TSPAN9: variants seen among roughly 807,000 people sequenced by gnomAD.
TSPAN9 encodes the protein tetraspanin 9, also known as tetraspanin-9.
In TSPAN9, 16 loss-of-function variants were observed where a neutral mutation model predicts 31.0. That is an observed-to-expected ratio of 0.52 (90% CI 0.35 to 0.78). TSPAN9 has a LOEUF of 0.78. TSPAN9 is among the 30% of genes least tolerant of loss of function. TSPAN9 has a pLI of 0.01. For missense variants in TSPAN9, 272 were observed against 312.5 expected (o/e 0.87, Z 0.98); for synonymous variants, 145 against 121.6 (o/e 1.19, Z -1.27).
At chr12:3,112,631 A>G (rs1176740420) in intron 2 of TSPAN9, among the ~76,000 whole-genome samples, 1 of 124,758 alleles carries the variant, frequency 8.0e-6, no homozygotes, top group Non-Finnish European at 1.7e-5. Flanking sequence ...TGTTTCATTG[A>G]TCTTTTACAT....
intron 2 of TSPAN9, among the ~76,000 whole-genome samples, chr12:3,171,337 A>T (rs1325349504): frequency 6.6e-6 from 1 of 152,182 alleles, no homozygotes; most frequent in East Asian, 1.9e-4. Context: ...CCCAGTAACT[A>T]GATCACATGA....
At chr12:3,100,685 C>A (rs1291207425) in intron 2 of TSPAN9, among the ~76,000 whole-genome samples, 1 of 152,216 alleles carries the variant, frequency 6.6e-6, no homozygotes, top group Admixed American at 6.5e-5. Flanking sequence ...GGCATCACCT[C>A]ATTTCCTGGT....
At position 3,119,948 on chromosome 12, in the gene TSPAN9, TG is replaced by T. The variant is rs951574446; in HGVS notation, c.-18+36230del. 1.2e-3 allele frequency among the ~76,000 whole-genome samples: 181 copies of T among 152,244 alleles called. 1 individual carries two copies. The highest frequency in any genetic ancestry group is 4.2e-3 in the African/African-American group (174 of 41,544). On this transcript the variant is annotated intron_variant, in intron 2 of 8. Transcript: ENST00000011898. ...TCCACATGGGCTGGCTGTGTGACCA[TG>T]TGCACGTCACTCTGCTTTCTGGGCC...
At chr12:3,247,476 G>C (rs997424358) in intron 3 of TSPAN9, among the ~76,000 whole-genome samples, 2 of 152,140 alleles carry the variant, frequency 1.3e-5, no homozygotes, top group African/African-American at 4.8e-5. Context: ...GAGAGCGTCA[G>C]TTCAGAAAGA....
At chr12:3,109,505 T>G (rs2098317172) in intron 2 of TSPAN9, among the ~76,000 whole-genome samples, 1 of 151,786 alleles carries the variant, frequency 6.6e-6, no homozygotes, top group Non-Finnish European at 1.5e-5. Flanking sequence ...GTTAGGAACC[T>G]AGTAAGTTAG....
chr12:3,235,355 G>A (rs1457947218), intron 3 of TSPAN9, among the ~76,000 whole-genome samples: 1 of 147,136 alleles, frequency 6.8e-6, no homozygotes, highest in Non-Finnish European at 1.5e-5. Flanking sequence ...GTGGCAAGAA[G>A]CCTGGCCGGA....
intron 3 of TSPAN9, among the ~76,000 whole-genome samples, chr12:3,239,771 C>T (rs931251271): frequency 6.6e-6 from 1 of 152,048 alleles, no homozygotes; most frequent in Non-Finnish European, 1.5e-5. Context: ...ATTGGAGCTT[C>T]CGACAGGGTC....
intron 2 of TSPAN9, among the ~76,000 whole-genome samples, chr12:3,157,054 G>A (rs555036463): frequency 2.0e-5 from 3 of 152,190 alleles, no homozygotes; most frequent in Middle Eastern, 6.9e-3. Context: ...AGGCCAGAGA[G>A]GGCAGAGCAG....
At chr12:3,200,998 GCCGTCCACCT>G in intron 2 of TSPAN9, 169 bp from the exon 3 acceptor site, 1 of 595,942 alleles carries the variant, frequency 1.7e-6, no homozygotes. Flanking sequence ...ACTTTGCCAA[GCCGTCCACCT>G]CCGGCCGCCC....
At chr12:3,136,073 G>A (rs1233527500) in intron 2 of TSPAN9, among the ~76,000 whole-genome samples, 1 of 152,202 alleles carries the variant, frequency 6.6e-6, no homozygotes. Flanking sequence ...GGGCACTGTG[G>A]TGGTGGGACA....
At chr12:3,221,416 T>C (rs1256756091) in intron 3 of TSPAN9, among the ~76,000 whole-genome samples, 1 of 149,180 alleles carries the variant, frequency 6.7e-6, no homozygotes, top group Non-Finnish European at 1.5e-5. Flanking sequence ...TGGAGTGCAA[T>C]GGTGTGAATT....
intron 3 of TSPAN9, among the ~76,000 whole-genome samples, chr12:3,260,151 C>G (rs904331589): frequency 6.6e-6 from 1 of 152,222 alleles, no homozygotes; most frequent in Non-Finnish European, 1.5e-5. Context: ...CCACTCCGCT[C>G]AACGGGAGTC....
Position 3,079,705 on chromosome 12 carries a change from G to A in TSPAN9, c.-85+2252G>A, listed in dbSNP as rs544842731. The stretch of plus-strand genomic sequence containing the variant: ...TCAAACTCCTGACCTCAGGTGATCC[G>A]CCTGCCTTGGCCTCCCAAAGTGCTG... On this transcript the variant is annotated intron_variant, in intron 1 of 8. Coordinates refer to ENST00000011898, the MANE Select transcript of TSPAN9 (RefSeq NM_006675.5). 4.6e-5 allele frequency among the ~76,000 whole-genome samples: 7 copies of A among 150,932 alleles called. No homozygotes were observed. The South Asian group carries it at 1.3e-3, about 27-fold the overall frequency.
intron 2 of TSPAN9, among the ~76,000 whole-genome samples, chr12:3,139,795 C>T (rs2153967634): frequency 6.6e-6 from 1 of 152,260 alleles, no homozygotes; most frequent in East Asian, 1.9e-4. Context: ...TGATCCACCT[C>T]CCTCGGCCTC....
rs552946732 is a variant in TSPAN9, at chr12:3,261,243, C to T, written c.64-17178C>T. On this transcript the variant is annotated intron_variant, in intron 3 of 8. Transcript: ENST00000011898. ...TTAACTTGTATGAGTACTGACTCCG[C>T]ATTAGGCTGTGTTCTTGTTCTAAGA... Among the ~76,000 whole-genome samples the T allele has an allele frequency of 9.8e-4, 150 of 152,312 alleles. 1 individual carries two copies. The South Asian group carries it at 0.026, about 27-fold the overall frequency.
At chr12:3,157,378 G>T (rs1443300144) in intron 2 of TSPAN9, among the ~76,000 whole-genome samples, 1 of 152,142 alleles carries the variant, frequency 6.6e-6, no homozygotes, top group Non-Finnish European at 1.5e-5. Flanking sequence ...TAGGATTACA[G>T]GCGTGAGCCA....
At chr12:3,208,364 C>T (rs2098376405) in intron 3 of TSPAN9, among the ~76,000 whole-genome samples, 1 of 152,220 alleles carries the variant, frequency 6.6e-6, no homozygotes, top group Non-Finnish European at 1.5e-5. Flanking sequence ...AGGGAGAAGG[C>T]AGTGGAGAAG....
chr12:3,127,645 G>A (rs1256963819), intron 2 of TSPAN9, among the ~76,000 whole-genome samples: 5 of 152,192 alleles, frequency 3.3e-5, no homozygotes, highest in South Asian at 4.2e-4. Flanking sequence ...GTGAGCCACC[G>A]CACCCAGCCA....
chr12:3,206,607 C>A (rs1471844250), intron 3 of TSPAN9, among the ~76,000 whole-genome samples: 1 of 150,486 alleles, frequency 6.6e-6, no homozygotes, highest in Non-Finnish European at 1.5e-5. Flanking sequence ...TTTTTTTTTC[C>A]TTAGTTTGAA....
Sources: allele counts gnomAD v4.1 joint callset (sites outside exome capture counted in the v4.1 genomes callset), GRCh38; gene constraint gnomAD v4.1.1; transcripts MANE v1.5; gene names NCBI Gene and HGNC (gene_info 2026-07-23, HGNC 2026-07-21).